Variants in TPST1 observed in about 807,000 individuals in gnomAD.
TPST1 encodes protein-tyrosine sulfotransferase 1.
TPST1 carries 20 observed loss-of-function variants against 34.8 expected under a neutral mutation model. That is an observed-to-expected ratio of 0.57 (90% CI 0.40 to 0.84). The LOEUF is 0.84. Ranked by LOEUF, TPST1 falls within the 40% of genes least tolerant of loss-of-function variation. TPST1 has a pLI of 0.00. For missense variants in TPST1, 353 were observed against 455.5 expected (o/e 0.78, Z 2.05); for synonymous variants, 152 against 159.4 (o/e 0.95, Z 0.35).
chr7:66,276,144 A>G (rs1790804881), intron 2 of TPST1, among the ~76,000 whole-genome samples: 1 of 151,776 alleles, frequency 6.6e-6, no homozygotes, highest in Non-Finnish European at 1.5e-5. Flanking sequence ...GTCATCATAT[A>G]GCAGATATTC....
At chr7:66,213,743 C>CA (rs749299136) in intron 1 of TPST1, among the ~76,000 whole-genome samples, 4,216 of 96,370 alleles carry the variant, frequency 0.044, 68 homozygotes, top group African/African-American at 0.074. Context: ...GACTCCATCT[C>CA]AAAAAAAAAA....
At chr7:66,241,890 C>T (rs1212103268) in intron 2 of TPST1, among the ~76,000 whole-genome samples, 1 of 152,178 alleles carries the variant, frequency 6.6e-6, no homozygotes, top group East Asian at 1.9e-4. Context: ...TCAATGAGGT[C>T]GTGCTTTTCT....
chr7:66,214,893 AT>A (rs1305480370), intron 1 of TPST1, among the ~76,000 whole-genome samples: 1 of 147,462 alleles, frequency 6.8e-6, no homozygotes, highest in Non-Finnish European at 1.5e-5. Context: ...TTATATGTAT[AT>A]TTTTATTGGT....
chr7:66,206,992 G>T (rs575309484), intron 1 of TPST1, among the ~76,000 whole-genome samples: 1 of 152,240 alleles, frequency 6.6e-6, no homozygotes, highest in African/African-American at 2.4e-5. Flanking sequence ...TTAAAAAAGA[G>T]TAAAATACGT....
intron 5 of TPST1, among the ~76,000 whole-genome samples, chr7:66,357,648 C>T (rs193130534): frequency 1.2e-3 from 180 of 152,360 alleles, no homozygotes; most frequent in African/African-American, 4.3e-3. Flanking sequence ...CAGCCCAGAT[C>T]TCCAGGTGCA....
chr7:66,264,170 T>C (rs1237856355), intron 2 of TPST1, among the ~76,000 whole-genome samples: 1 of 152,202 alleles, frequency 6.6e-6, no homozygotes, highest in Non-Finnish European at 1.5e-5. Context: ...AGGACAGTAG[T>C]TATCAAGAAA....
intron 2 of TPST1, among the ~76,000 whole-genome samples, chr7:66,271,858 GA>G (rs1258134212): frequency 6.6e-6 from 1 of 151,576 alleles, no homozygotes; most frequent in Non-Finnish European, 1.5e-5. Flanking sequence ...ATTTTCAAAG[GA>G]TTGTAAAAAT....
chr7:66,284,070 G>A (rs1458208457), intron 2 of TPST1, among the ~76,000 whole-genome samples: 3 of 152,234 alleles, frequency 2.0e-5, no homozygotes, highest in East Asian at 1.9e-4. Flanking sequence ...AGAGGCCATA[G>A]TTAACTGCAT....
upstream of TPST1, among the ~76,000 whole-genome samples, chr7:66,204,676 C>G (rs1420788817): frequency 6.6e-6 from 1 of 152,248 alleles, no homozygotes; most frequent in East Asian, 1.9e-4. Context: ...AATATCTGCC[C>G]TTTCCCCACC....
At chr7:66,227,176 G>A (rs1789676604) in intron 1 of TPST1, among the ~76,000 whole-genome samples, 1 of 151,310 alleles carries the variant, frequency 6.6e-6, no homozygotes, top group Admixed American at 6.6e-5. Flanking sequence ...GGGATTACAG[G>A]CACCCGCCAT....
At chr7:66,201,168 A>C (rs566727568), upstream of TPST1, among the ~76,000 whole-genome samples, 12 of 152,286 alleles carry the variant, frequency 7.9e-5, no homozygotes, top group African/African-American at 2.9e-4. Flanking sequence ...ATGTGGTGTG[A>C]ATCAGATGTG....
the TPST1 span, among the ~76,000 whole-genome samples, chr7:66,199,909 C>T: frequency 6.6e-6 from 1 of 151,670 alleles, no homozygotes; most frequent in Admixed American, 6.6e-5. Context: ...GGAGGTTTCA[C>T]CATGCTGGCC....
chr7:66,231,309 C>T (rs560917043), intron 1 of TPST1, among the ~76,000 whole-genome samples: 15 of 152,368 alleles, frequency 9.8e-5, no homozygotes, highest in East Asian at 1.9e-4. Context: ...CAGTGGATCC[C>T]GCACCGGGGC....
intron 3 of TPST1, among the ~76,000 whole-genome samples, chr7:66,326,256 C>T (rs1791864807): frequency 6.6e-6 from 1 of 152,102 alleles, no homozygotes; most frequent in Non-Finnish European, 1.5e-5. Flanking sequence ...TCCTTTAAGT[C>T]CAGTGAAGAA....
chr7:66,315,522 C>T (rs941285922), intron 3 of TPST1, among the ~76,000 whole-genome samples: 2 of 152,188 alleles, frequency 1.3e-5, no homozygotes, highest in Non-Finnish European at 2.9e-5. Flanking sequence ...GCTTGACCTC[C>T]TGGGGCACAG....
rs149066019 is a variant in TPST1 at position 66,251,902 on chromosome 7, A to T, written c.845+10632A>T. On this transcript the variant is annotated intron_variant, in intron 2 of 5. Transcript: ENST00000304842. ...AAAATACTATTCTCTGGTATAATAT[A>T]GATTATTTATACATTTTTACTATTG... Among the ~76,000 whole-genome samples the T allele has an allele frequency of 8.6e-4, 131 of 151,878 alleles. No individual in the cohort carries two copies. In the East Asian group the frequency reaches 0.022, roughly 25 times the overall value.
At chr7:66,261,710 G>A (rs1362795558) in intron 2 of TPST1, among the ~76,000 whole-genome samples, 2 of 151,954 alleles carry the variant, frequency 1.3e-5, no homozygotes, top group African/African-American at 4.8e-5. Flanking sequence ...TCAGATCTTG[G>A]CTTTACCACT....
intron 3 of TPST1, among the ~76,000 whole-genome samples, chr7:66,333,670 A>C (rs1219060614): frequency 6.6e-6 from 1 of 152,164 alleles, no homozygotes; most frequent in Admixed American, 6.5e-5. Context: ...CACAACATAG[A>C]ATTTGTTTTC....
chr7:66,199,333 C>G, the TPST1 span, among the ~76,000 whole-genome samples: 1 of 126,536 alleles, frequency 7.9e-6, no homozygotes, highest in Non-Finnish European at 1.6e-5. Flanking sequence ...CTTGCTCTGT[C>G]TCCCAGGCTG....
Sources: gnomAD v4.1 joint callset for allele counts (sites outside exome capture counted in the v4.1 genomes callset) on GRCh38, gnomAD v4.1.1 for gene constraint, MANE v1.5 for transcripts, NCBI Gene and HGNC (gene_info 2026-07-23, HGNC 2026-07-21) for gene names.